CTNNA2: variants seen among roughly 807,000 people sequenced by gnomAD.
The protein encoded by CTNNA2 is catenin alpha 2.
Under a neutral mutation model 101.0 loss-of-function variants are expected in CTNNA2, and 42 were observed. The observed-to-expected ratio is 0.42, with a 90% CI of 0.32 to 0.54. CTNNA2 has a LOEUF of 0.54. Ranked by LOEUF, CTNNA2 falls within the 20% of genes least tolerant of loss-of-function variation. The pLI is 0.14. For missense variants in CTNNA2, 871 were observed against 1,223.1 expected, an observed-to-expected ratio of 0.71 and a Z score of 4.29; for synonymous variants, 450 against 456.4, an observed-to-expected ratio of 0.99 and a Z score of 0.18.
intron 9 of CTNNA2, among the ~76,000 whole-genome samples, chr2:80,489,097 C>G (rs1686824830): frequency 6.6e-6 from 1 of 152,040 alleles, no homozygotes; most frequent in Non-Finnish European, 1.5e-5. Context: ...TAACATGTAC[C>G]TGGTGATTTT....
At chr2:79,546,602 ATAAATGT>A (rs1185238564) in intron 1 of CTNNA2, among the ~76,000 whole-genome samples, 1 of 152,192 alleles carries the variant, frequency 6.6e-6, no homozygotes, top group Non-Finnish European at 1.5e-5. Flanking sequence ...TAAGAATAAT[ATAAATGT>A]GTTGTTCTTT....
intron 7 of CTNNA2, among the ~76,000 whole-genome samples, chr2:80,262,760 C>T (rs941777768): frequency 1.3e-5 from 2 of 152,148 alleles, no homozygotes; most frequent in Non-Finnish European, 2.9e-5. Flanking sequence ...ATTGTCATCC[C>T]TGCTGTCTTG....
intron 7 of CTNNA2, among the ~76,000 whole-genome samples, chr2:80,203,660 C>G: frequency 6.6e-6 from 1 of 152,216 alleles, no homozygotes. Context: ...TGGGTGTCTG[C>G]AGCTTTTCCA....
chr2:80,125,600 C>T (rs1558831895), intron 7 of CTNNA2, among the ~76,000 whole-genome samples: 1 of 152,188 alleles, frequency 6.6e-6, no homozygotes, highest in Non-Finnish European at 1.5e-5. Flanking sequence ...GATACCACAG[C>T]CTCCTCCTAC....
In CTNNA2 at chr2:80,213,597, G is replaced by T. The variant is rs377535616; in HGVS notation, c.1057-179614G>T. Among the ~76,000 whole-genome samples the T allele has an allele frequency of 3.9e-5, 6 of 152,234 alleles. No homozygotes were observed. The South Asian group carries it at 1.2e-3, about 32-fold the overall frequency. ...TGAGAGACAGTTTGTTATAATTTCT[G>T]TTCTTTTACATTTGCTGAGGAGTGC... On this transcript the variant is annotated intron_variant, in intron 7 of 18. Transcript: ENST00000402739.
At chr2:79,724,780 A>G (rs1286204218) in intron 2 of CTNNA2, among the ~76,000 whole-genome samples, 2 of 142,216 alleles carry the variant, frequency 1.4e-5, no homozygotes, top group East Asian at 4.1e-4. Flanking sequence ...ATGCCACTGC[A>G]TTCCAGCCGG....
At chr2:80,269,474 G>A (rs1386281822) in intron 7 of CTNNA2, among the ~76,000 whole-genome samples, 3 of 152,130 alleles carry the variant, frequency 2.0e-5, no homozygotes, top group African/African-American at 7.2e-5. Flanking sequence ...TATCCTTATA[G>A]CAATGTGAGA....
chr2:79,454,206 A>AT (rs1223834924), intron 4 of CTNNA2, among the ~76,000 whole-genome samples: 1 of 151,930 alleles, frequency 6.6e-6, no homozygotes, highest in Non-Finnish European at 1.5e-5. Context: ...AATTTCTCCC[A>AT]TTTTTCAGTT....
chr2:80,050,502 C>G (rs556452403), intron 7 of CTNNA2, among the ~76,000 whole-genome samples: 1 of 152,276 alleles, frequency 6.6e-6, no homozygotes, highest in Admixed American at 6.5e-5. Flanking sequence ...ACCAGGCTAT[C>G]TGTGCCATCT....
At chr2:80,154,311 G>A (rs1042321299) in intron 7 of CTNNA2, among the ~76,000 whole-genome samples, 5 of 152,004 alleles carry the variant, frequency 3.3e-5, no homozygotes, top group East Asian at 1.9e-4. Context: ...AAGGTGAATC[G>A]CCCGTTGGTT....
intron 7 of CTNNA2, among the ~76,000 whole-genome samples, chr2:79,958,498 G>A (rs1172615508): frequency 6.6e-6 from 1 of 152,132 alleles, no homozygotes; most frequent in Non-Finnish European, 1.5e-5. Flanking sequence ...ACTTGCTGTT[G>A]CTGGGCTTGA....
chr2:80,623,066 A>C (rs1671305223), intron 18 of CTNNA2, among the ~76,000 whole-genome samples: 1 of 150,980 alleles, frequency 6.6e-6, no homozygotes, highest in Non-Finnish European at 1.5e-5. Flanking sequence ...AAAAAAAAAA[A>C]AGTTCAAGCA....
At chr2:80,337,980 T>A (rs565070536) in intron 7 of CTNNA2, among the ~76,000 whole-genome samples, 1 of 151,572 alleles carries the variant, frequency 6.6e-6, no homozygotes, top group Non-Finnish European at 1.5e-5. Flanking sequence ...AGAAAGGGAA[T>A]GTAGTTTACT....
At chr2:79,282,451 C>T (rs544713933) in intron 2 of CTNNA2, among the ~76,000 whole-genome samples, 8 of 152,076 alleles carry the variant, frequency 5.3e-5, no homozygotes, top group African/African-American at 1.9e-4. Context: ...TGTTCCCCTT[C>T]CTGTGTCCAC....
intron 2 of CTNNA2, among the ~76,000 whole-genome samples, chr2:79,657,053 T>TC (rs1287067236): frequency 1.8e-5 from 2 of 111,966 alleles, no homozygotes; most frequent in South Asian, 7.7e-4. Context: ...TCTTAAGGAA[T>TC]TAAAAAAAAT....
At chr2:79,762,107 A>G (rs1289253522) in intron 3 of CTNNA2, among the ~76,000 whole-genome samples, 1 of 152,132 alleles carries the variant, frequency 6.6e-6, no homozygotes, top group Non-Finnish European at 1.5e-5. Flanking sequence ...TTTGGTCTTA[A>G]TTTCTCAGCT....
At chr2:79,653,028 A>C (rs915583706) in intron 2 of CTNNA2, among the ~76,000 whole-genome samples, 2 of 152,160 alleles carry the variant, frequency 1.3e-5, no homozygotes, top group Non-Finnish European at 2.9e-5. Context: ...ATATGTTCCC[A>C]AAATGCAATG....
At chr2:80,084,789 G>A (rs910544434) in intron 7 of CTNNA2, among the ~76,000 whole-genome samples, 9 of 151,960 alleles carry the variant, frequency 5.9e-5, no homozygotes, top group Admixed American at 3.3e-4. Context: ...AATGGTCAGG[G>A]GAATTACTTA....
At chr2:80,568,746 A>T (rs1022942314) in intron 12 of CTNNA2, among the ~76,000 whole-genome samples, 5 of 152,188 alleles carry the variant, frequency 3.3e-5, no homozygotes, top group Admixed American at 6.5e-5. Context: ...ACGAGTATGT[A>T]CATTTCAGTA....
Sources: gnomAD v4.1 joint callset for allele counts (sites outside exome capture counted in the v4.1 genomes callset) on GRCh38, gnomAD v4.1.1 for gene constraint, MANE v1.5 for transcripts, NCBI Gene and HGNC (gene_info 2026-07-23, HGNC 2026-07-21) for gene names.